AADACL3: variants seen among roughly 807,000 people sequenced by gnomAD.
AADACL3 encodes the protein arylacetamide deacetylase like 3, also known as arylacetamide deacetylase-like 3.
A neutral mutation model predicts 13.6 loss-of-function variants in AADACL3; 13 were observed. That is an observed-to-expected ratio of 0.95 (90% confidence interval 0.62 to 1.52). AADACL3 has a LOEUF of 1.52. Ranked by LOEUF, AADACL3 falls within the 40% of genes most tolerant of loss-of-function variation. The probability of loss-of-function intolerance (pLI) is 0.00; values close to 1 mark genes in which losing one functional copy is unlikely to be tolerated. For missense variants in AADACL3, 519 were observed against 499.2 expected, an observed-to-expected ratio of 1.04 and a Z score of -0.38; for synonymous variants, 195 against 197.0, an observed-to-expected ratio of 0.99 and a Z score of 0.08.
rs187033322 is a variant in AADACL3, at chr1:12,726,102, G to C, written c.*106G>C. On this transcript the variant is annotated 3_prime_UTR_variant, in exon 4 of 4. Coordinates refer to ENST00000359318, the MANE Select transcript of AADACL3 (RefSeq NM_001103170.3). ...GGTGGTGCATAGTGGGGCTAGGGAG[G>C]GGGTAGAGGTTGCTGTCACCTTTCT... 93 of 1,324,804 alleles carry C rather than the reference G, an allele frequency of 7.0e-5. No homozygotes were observed. The African/African-American group carries it at 7.5e-4, about 11-fold the overall frequency. The allele number at this position is 1,324,804 out of a possible 1,614,324, so 82.1% of individuals were successfully genotyped here. A position where few individuals can be genotyped will look rare whatever the true frequency, so the allele number is the denominator to read the frequency against.
intron 3 of AADACL3, among the ~76,000 whole-genome samples, chr1:12,722,432 C>G (rs1638278224): frequency 6.6e-6 from 1 of 151,684 alleles, no homozygotes; most frequent in South Asian, 2.1e-4. Context: ...AGAAGGGTTT[C>G]TACCATGGGA....
Position 12,725,741 on chromosome 1 carries a change from CT to C in AADACL3, c.970del (p.Ser324ArgfsTer3), listed in dbSNP as rs1222965379. ...TAAGTGTTGTCCTGGATGTGATGTGCTCGCCCCTGATTGCAGAAGATGACAT... is the reference window on the plus strand; with the variant it reads ...TAAGTGTTGTCCTGGATGTGATGTGCCGCCCCTGATTGCAGAAGATGACAT... ...EVSVVLDVMCSPLIAEDDIVS... is the reference protein window; with the variant it reads ...EVSVVLDVMCXPLIAEDDIVS... On this transcript the variant is annotated frameshift_variant, in exon 4 of 4. Transcript: ENST00000359318. LOFTEE classifies it low-confidence loss of function (END_TRUNC). 1 of 1,614,128 alleles carries C rather than the reference CT, an allele frequency of 6.2e-7. No homozygotes were observed. Among genetic ancestry groups the C allele is most frequent in the Non-Finnish European group, 8.5e-7 (1 of 1,180,030 alleles).
chr1:12,720,798 G>C, intron 2 of AADACL3, 85 bp from the exon 3 acceptor site: 1 of 1,220,768 alleles, frequency 8.2e-7, no homozygotes, highest in Non-Finnish European at 1.2e-6. Context: ...ATCGGCCCAA[G>C]TGCTGTGTCT....
At chr1:12,724,751 GC>G (rs1359397973) in intron 3 of AADACL3, among the ~76,000 whole-genome samples, 7 of 152,202 alleles carry the variant, frequency 4.6e-5, no homozygotes, top group Admixed American at 4.6e-4. Flanking sequence ...CTCCCAAAGT[GC>G]TGAAATTAAA....
At position 12,722,682 on chromosome 1, in the gene AADACL3, CT is replaced by C. The variant is rs1053024862; in HGVS notation, c.449+1750del. 8.1e-3 allele frequency among the ~76,000 whole-genome samples: 1,132 copies of C among 140,430 alleles called. 4 individuals are homozygous for C. Among genetic ancestry groups the C allele is most frequent in the Middle Eastern group, 0.019 (5 of 268 alleles). The allele number at this position is 140,430 out of a possible 152,430, so 92.1% of individuals were successfully genotyped here. A position where few individuals can be genotyped will look rare whatever the true frequency, so the allele number is the denominator to read the frequency against. ...TTGCTCCCATAGAGTGTTTCTTTGT[CT>C]TTTTTTTTTTTTTAATTTGTGACCA... On this transcript the variant is annotated intron_variant, in intron 3 of 3. Transcript: ENST00000359318.
Position 12,716,226 on chromosome 1 carries a change from T to C in AADACL3, c.50T>C (p.Leu17Pro). The change falls in exon 1 of 4, where the codon CTA (leucine) becomes CCA (proline). Residue 17 changes from leucine to proline, a missense_variant. Transcript: ENST00000359318. ...CTCGCAGCAGCCTGCGTGTTCTCACTAGGGGTCACTCTGTGGGTCATTTGC... is the reference window on the plus strand; with the variant it reads ...CTCGCAGCAGCCTGCGTGTTCTCACCAGGGGTCACTCTGTGGGTCATTTGC... ...IFLAAACVFS[L>P]GVTLWVICSH... 7.5e-7 allele frequency: 1 copy of C among 1,336,776 alleles called. No homozygotes were observed. The allele number at this position is 1,336,776 out of a possible 1,614,324, so 82.8% of individuals were successfully genotyped here. A position where few individuals can be genotyped will look rare whatever the true frequency, so the allele number is the denominator to read the frequency against.
At chr1:12,719,173 T>C (rs1648508676) in intron 1 of AADACL3, among the ~76,000 whole-genome samples, 2 of 152,030 alleles carry the variant, frequency 1.3e-5, no homozygotes, top group South Asian at 4.2e-4. Context: ...AGGTGGGTGT[T>C]GCAAGTAGAG....
intron 2 of AADACL3, 87 bp downstream of exon 2, chr1:12,719,778 G>A: frequency 7.4e-7 from 1 of 1,355,890 alleles, no homozygotes; most frequent in Non-Finnish European, 1.0e-6. Flanking sequence ...GGGACTTAAA[G>A]TATGCTATTA....
chr1:12,725,286 C>T lies in AADACL3; in HGVS notation c.514C>T (p.His172Tyr), dbSNP rs772600564. The T allele has an allele frequency of 6.2e-7, 1 of 1,613,892 alleles. No homozygotes were observed. The highest frequency in any genetic ancestry group is 2.2e-5 in the East Asian group (1 of 44,880). ...AAGAGACTGCTTGGTGGCCACCATC[C>T]ACTTCCTGAAGTCCCTGGATGCATA... Reference protein sequence around the residue: ...PVRDCLVATIHFLKSLDAYGV... With the variant: ...PVRDCLVATIYFLKSLDAYGV... Residue 172 changes from histidine to tyrosine, a missense_variant, in exon 4 of 4, where the codon CAC (histidine) becomes TAC (tyrosine). Transcript: ENST00000359318.
chr1:12,716,901 G>A (rs191653108), intron 1 of AADACL3, among the ~76,000 whole-genome samples: 8 of 152,078 alleles, frequency 5.3e-5, no homozygotes, highest in Non-Finnish European at 1.0e-4. Context: ...GATTAGTGCC[G>A]GTGAGCAAAA....
chr1:12,719,376 C>T, intron 1 of AADACL3, 99 bp from the exon 2 acceptor site: 1 of 1,174,796 alleles, frequency 8.5e-7, no homozygotes, highest in Non-Finnish European at 1.2e-6. Flanking sequence ...TTTCCAAAAA[C>T]TCCTTTTGCC....
At chr1:12,721,446 G>T (rs555434754) in intron 3 of AADACL3, among the ~76,000 whole-genome samples, 1 of 152,178 alleles carries the variant, frequency 6.6e-6, no homozygotes, top group African/African-American at 2.4e-5. Flanking sequence ...AATAAGGGGA[G>T]GTGAAGAGAG....
intron 3 of AADACL3, among the ~76,000 whole-genome samples, chr1:12,721,852 C>T (rs1178309219): frequency 3.9e-5 from 6 of 152,174 alleles, no homozygotes; most frequent in East Asian, 3.9e-4. Flanking sequence ...TCAAAGAGGG[C>T]GTGGTGGGCA....
intron 3 of AADACL3, among the ~76,000 whole-genome samples, chr1:12,722,672 GTTTC>G (rs1638287670): frequency 6.6e-6 from 1 of 151,076 alleles, no homozygotes; most frequent in Non-Finnish European, 1.5e-5. Context: ...CCCATAGAGT[GTTTC>G]TTTGTCTTTT....
Position 12,721,325 on chromosome 1 carries a change from C to G in AADACL3, c.449+379C>G, listed in dbSNP as rs200417457. Among the ~76,000 whole-genome samples the G allele has an allele frequency of 2.6e-5, 4 of 152,170 alleles. No individual in the cohort carries two copies. In the East Asian group the frequency reaches 5.8e-4, roughly 22 times the overall value. On this transcript the variant is annotated intron_variant, in intron 3 of 3. Transcript: ENST00000359318. ...GCCGAGGAGGAAGAAGCACCTGAGC[C>G]TGGGAGGTTGCAGTGAGCCGTGATT...
At chr1:12,723,641 C>A (rs1289117967) in intron 3 of AADACL3, among the ~76,000 whole-genome samples, 1 of 151,700 alleles carries the variant, frequency 6.6e-6, no homozygotes. Flanking sequence ...CCACGCCTGG[C>A]TAATTTTTTG....
At position 12,725,000 on chromosome 1, in the gene AADACL3, C is replaced by G. The variant is rs3886183; in HGVS notation, c.450-222C>G. Among the ~76,000 whole-genome samples, 902 of 152,182 alleles carry G rather than the reference C, an allele frequency of 5.9e-3. 10 individuals are homozygous for G. The highest frequency in any genetic ancestry group is 0.02 in the African/African-American group (819 of 41,522). Reference sequence around the variant, plus strand: ...ATTGTTGGCCAATTGGTGGATGTCTCGTGACACAGGTCCCCCATTAGGGCA... The same window carrying G: ...ATTGTTGGCCAATTGGTGGATGTCTGGTGACACAGGTCCCCCATTAGGGCA... On this transcript the variant is annotated intron_variant, in intron 3 of 3. Coordinates refer to ENST00000359318, the MANE Select transcript of AADACL3 (RefSeq NM_001103170.3).
chr1:12,726,177 GT>G lies in AADACL3; in HGVS notation c.*182del, dbSNP rs1291399385. ...TGCATGCTCCTGATGTCCAGAGGAC[GT>G]GGTAGAAAAGACAGGTTTGGAGGTG... On this transcript the variant is annotated 3_prime_UTR_variant, in exon 4 of 4. Coordinates refer to ENST00000359318, the MANE Select transcript of AADACL3 (RefSeq NM_001103170.3). 7.4e-6 allele frequency: 5 copies of G among 671,492 alleles called. No individual in the cohort carries two copies. Among genetic ancestry groups the G allele is most frequent in the Middle Eastern group, 4.1e-4 (1 of 2,412 alleles). 41.6% of individuals were successfully genotyped at this position (671,492 alleles called of 1,614,324 possible).
In AADACL3 at chr1:12,725,949, T is replaced by C. The variant is rs1638363089; in HGVS notation, c.1177T>C (p.Ser393Pro). The C allele has an allele frequency of 6.2e-7, 1 of 1,614,022 alleles. No homozygotes were observed. Among genetic ancestry groups the C allele is most frequent in the East Asian group, 2.2e-5 (1 of 44,876 alleles). The change falls in exon 4 of 4, where the codon TCC becomes CCC. Residue 393 changes from serine to proline, a missense_variant. By Grantham distance (74) the Ser-to-Pro change is moderately conservative. Coordinates refer to ENST00000359318, the MANE Select transcript of AADACL3 (RefSeq NM_001103170.3). ...CATGAGCTTCTTGCACTTTCCCTGC[T>C]CCATGAGAATTCTGAGTGCATTAGT... The part of the protein sequence containing the change: ...IDMSFLHFPC[S>P]MRILSALVQF...
Sources: gnomAD v4.1 joint callset for allele counts (sites outside exome capture counted in the v4.1 genomes callset) on GRCh38, gnomAD v4.1.1 for gene constraint, MANE v1.5 for transcripts, NCBI Gene and HGNC (gene_info 2026-07-23, HGNC 2026-07-21) for gene names.